The following SYT12 variants were observed in gnomAD, a reference collection of about 807,000 sequenced individuals.
The protein encoded by SYT12 is synaptotagmin 12.
Under a neutral mutation model 39.5 loss-of-function variants are expected in SYT12, and 27 were observed. The ratio of observed to expected loss-of-function variants is 0.68; its 90% CI spans 0.50 to 0.94. The LOEUF is 0.94. Ranked by LOEUF, SYT12 falls within the 40% of genes least tolerant of loss-of-function variation. The probability of loss-of-function intolerance (pLI) is 0.00; values close to 1 mark genes in which losing one functional copy is unlikely to be tolerated. For missense variants in SYT12, 536 were observed against 572.6 expected (o/e 0.94, Z 0.65); for synonymous variants, 233 against 239.7 (o/e 0.97, Z 0.26).
chr11:67,044,778 T>C (rs1321188777), intron 6 of SYT12, 65 bp downstream of exon 6: 4 of 1,596,830 alleles, frequency 2.5e-6, no homozygotes, highest in Non-Finnish European at 3.4e-6. Context: ...CCAGCTGCTG[T>C]GCTGTGGGCA....
intron 3 of SYT12, among the ~76,000 whole-genome samples, chr11:67,011,752 TG>T (rs571180930): frequency 1.4e-4 from 21 of 152,054 alleles, no homozygotes; most frequent in Admixed American, 1.2e-3. Flanking sequence ...TTTTGTTTTT[TG>T]TTTGTTGTTT....
intron 3 of SYT12, among the ~76,000 whole-genome samples, chr11:67,015,276 C>T (rs1950048463): frequency 1.3e-5 from 2 of 152,212 alleles, no homozygotes; most frequent in African/African-American, 2.4e-5. Context: ...GAGGGCAGGG[C>T]GGCCAAGGCC....
At chr11:67,018,321 G>A (rs1287580500), upstream of SYT12, among the ~76,000 whole-genome samples, 3 of 151,834 alleles carry the variant, frequency 2.0e-5, no homozygotes, top group East Asian at 5.8e-4. Flanking sequence ...TACACTGCCT[G>A]TGGGGTAGCC....
upstream of SYT12, among the ~76,000 whole-genome samples, chr11:67,019,271 G>A (rs867832364): frequency 1.1e-4 from 16 of 151,788 alleles, no homozygotes; most frequent in African/African-American, 3.9e-4. Flanking sequence ...TCGGAAGCTC[G>A]AGACCAGCCT....
At chr11:67,036,884 C>T (rs1333856269) in intron 3 of SYT12, among the ~76,000 whole-genome samples, 2 of 152,018 alleles carry the variant, frequency 1.3e-5, no homozygotes, top group South Asian at 2.1e-4. Context: ...GACCAGCCTG[C>T]CCAACATGGA....
At position 67,044,620 on chromosome 11, in the gene SYT12, C is replaced by T. The variant is rs1426937283; in HGVS notation, c.865C>T (p.Leu289Phe). The change falls in exon 6 of 8, where the codon CTC (leucine) becomes TTC (phenylalanine). Residue 289 changes from leucine (L) to phenylalanine (F), a missense_variant. Transcript: ENST00000527043. ...CGCCGATGCTGTGGGGGAGATCCTGCTCTCCCTCAGCTACCTCCCCACAGC... is the reference window on the plus strand; with the variant it reads ...CGCCGATGCTGTGGGGGAGATCCTGTTCTCCCTCAGCTACCTCCCCACAGC... ...KAADAVGEIL[L>F]SLSYLPTAER... The T allele has an allele frequency of 6.2e-7, 1 of 1,613,204 alleles. No individual in the cohort carries two copies. The highest frequency in any genetic ancestry group is 1.3e-5 in the African/African-American group (1 of 74,938).
intron 7 of SYT12, among the ~76,000 whole-genome samples, chr11:67,046,878 G>A (rs1026772686): frequency 2.0e-5 from 3 of 152,162 alleles, no homozygotes; most frequent in Non-Finnish European, 2.9e-5. Flanking sequence ...TAATAGCAAC[G>A]CAACCTCTAG....
intron 6 of SYT12, 164 bp from the exon 7 acceptor site, chr11:67,045,580 C>T: frequency 9.6e-7 from 1 of 1,037,664 alleles, no homozygotes; most frequent in East Asian, 2.7e-5. Context: ...TCAGTTTTCT[C>T]ATCTGTGAAA....
chr11:67,035,837 C>CCTTCCTTTCTTTCTTTCTTT (rs1412426648), intron 3 of SYT12, among the ~76,000 whole-genome samples: 7 of 111,142 alleles, frequency 6.3e-5, no homozygotes, highest in East Asian at 2.8e-4. Context: ...TTCCTTCCTT[C>CCTTCCTTTCTTTCTTTCTTT]CTTTCTTTCT....
intron 2 of SYT12, chr11:67,010,214 A>T (rs980509794): frequency 3.9e-5 from 6 of 152,312 alleles, no homozygotes; most frequent in African/African-American, 1.4e-4. Context: ...CTAGAAAAAG[A>T]CAGAACTGAG....
Position 67,023,145 on chromosome 11 carries a change from G to A in SYT12, c.-339G>A, listed in dbSNP as rs1165960636. Among the ~76,000 whole-genome samples the A allele has an allele frequency of 6.6e-6, 1 of 152,176 alleles. No individual in the cohort carries two copies. The highest frequency in any genetic ancestry group is 1.5e-5 in the Non-Finnish European group (1 of 68,014). ...GGACGCGCTTGGGGATCTCCGGCTC[G>A]GACCCCAGGAGCAGAGACAGCGCTC... is the stretch of plus-strand genomic sequence containing the variant. On this transcript the variant is annotated 5_prime_UTR_variant, in exon 1 of 8. Coordinates refer to ENST00000527043, the MANE Select transcript of SYT12 (RefSeq NM_177963.4).
At chr11:67,047,834 C>T (rs1854609100) in intron 7 of SYT12, among the ~76,000 whole-genome samples, 1 of 127,676 alleles carries the variant, frequency 7.8e-6, no homozygotes, top group South Asian at 2.7e-4. Flanking sequence ...TTCGCCCAGG[C>T]TGGACTGCAG....
At chr11:67,009,044 T>C (rs1422940160) in intron 1 of SYT12, among the ~76,000 whole-genome samples, 2 of 151,838 alleles carry the variant, frequency 1.3e-5, no homozygotes, top group South Asian at 4.2e-4. Context: ...AAGGTCTGGC[T>C]CTGTCGCCCA....
Position 67,045,995 on chromosome 11 carries a change from C to T in SYT12, c.1092+118C>T, listed in dbSNP as rs1854536839. The stretch of plus-strand genomic sequence containing the variant: ...GGGGTAGTGGTTTGCCTCCAGCCAT[C>T]ACTTTCTAGCAGTTATTGAGTGCCA... On this transcript the variant is annotated intron_variant, in intron 7 of 7. Transcript: ENST00000527043. The T allele has an allele frequency of 2.2e-6, 3 of 1,350,988 alleles. No homozygotes were observed. In the African/African-American group the frequency reaches 4.4e-5, roughly 20 times the overall value. The allele number at this position is 1,350,988 out of a possible 1,614,324, so 83.7% of individuals were successfully genotyped here. A position where few individuals can be genotyped will look rare whatever the true frequency, so the allele number is the denominator to read the frequency against.
upstream of SYT12, chr11:67,022,661 A>C (rs374997798): frequency 8.5e-5 from 13 of 152,380 alleles, 1 homozygote; most frequent in East Asian, 2.5e-3. Context: ...CCTGGGTTCA[A>C]TTCTGGCTCT....
rs927222477 is a variant in SYT12 at position 67,045,935 on chromosome 11, G to A, written c.1092+58G>A. On this transcript the variant is annotated intron_variant, in intron 7 of 7. Transcript: ENST00000527043. ...GTCACCCCAGGGCTCTGGGGCTGCC[G>A]CATCTCTCCACCTTCTCTTCTCAGG... 2.2e-5 allele frequency: 36 copies of A among 1,600,860 alleles called. No homozygotes were observed. The African/African-American group carries it at 3.2e-4, about 14-fold the overall frequency.
rs1854704695 is a variant in SYT12 at position 67,050,096 on chromosome 11, G to C, written c.*1339G>C. The stretch of plus-strand genomic sequence containing the variant: ...TGGCCTGATCGCTGTGGGGGCAGGG[G>C]CCTGGAGTACGAGGGGCACCCTGGG... On this transcript the variant is annotated 3_prime_UTR_variant, in exon 8 of 8. Coordinates refer to ENST00000527043, the MANE Select transcript of SYT12 (RefSeq NM_177963.4). 1 of 152,298 alleles carries C rather than the reference G, an allele frequency of 6.6e-6. No individual in the cohort carries two copies. The allele number at this position is 152,298 out of a possible 1,614,324, so 9.4% of individuals were successfully genotyped here. A position where few individuals can be genotyped will look rare whatever the true frequency, so the allele number is the denominator to read the frequency against.
intron 3 of SYT12, among the ~76,000 whole-genome samples, chr11:67,015,464 G>A (rs1051281840): frequency 2.6e-5 from 4 of 151,508 alleles, no homozygotes; most frequent in African/African-American, 7.3e-5. Flanking sequence ...TGGTGTGGAG[G>A]CGGTGGTGGG....
rs529834520 is a variant in SYT12, at chr11:67,045,092, G to A, written c.958+379G>A. ...AGACTCCATTCCCAGAGACAGGGCA[G>A]TATCCCAGACTCCAAAAAGGGACCA... On this transcript the variant is annotated intron_variant, in intron 6 of 7. Coordinates refer to ENST00000527043, the MANE Select transcript of SYT12 (RefSeq NM_177963.4). Among the ~76,000 whole-genome samples the A allele has an allele frequency of 3.9e-5, 6 of 152,216 alleles. No homozygotes were observed. The South Asian group carries it at 1.2e-3, about 32-fold the overall frequency.
Sources: allele counts gnomAD v4.1 joint callset (sites outside exome capture counted in the v4.1 genomes callset), GRCh38; gene constraint gnomAD v4.1.1; transcripts MANE v1.5; gene names NCBI Gene and HGNC (gene_info 2026-07-23, HGNC 2026-07-21).